Variants in FSTL5 observed in about 807,000 individuals in gnomAD.
FSTL5 encodes follistatin like 5, also known as follistatin-related protein 5.
A neutral mutation model predicts 89.1 loss-of-function variants in FSTL5; 62 were observed. The observed-to-expected ratio is 0.70, with a 90% CI of 0.57 to 0.86. The LOEUF (loss-of-function observed/expected upper bound fraction) is 0.86. Among genes scored for constraint, FSTL5 ranks in the 40% least tolerant of loss-of-function variants. The pLI is 0.00. For synonymous variants in FSTL5, 383 were observed against 346.2 expected, an observed-to-expected ratio of 1.11 and a Z score of -1.18; for missense variants, 1,057 against 1,001.6, an observed-to-expected ratio of 1.06 and a Z score of -0.75.
At chr4:162,144,950 T>C (rs545578055) in intron 1 of FSTL5, among the ~76,000 whole-genome samples, 107 of 152,028 alleles carry the variant, frequency 7.0e-4, no homozygotes, top group African/African-American at 2.5e-3. Flanking sequence ...TAAGTTTCCA[T>C]ATTATACAAT....
At chr4:161,784,380 T>C (rs1414281242) in intron 4 of FSTL5, among the ~76,000 whole-genome samples, 1 of 152,138 alleles carries the variant, frequency 6.6e-6, no homozygotes, top group African/African-American at 2.4e-5. Flanking sequence ...TATATATTTT[T>C]ATTTTTTATA....
intron 3 of FSTL5, among the ~76,000 whole-genome samples, chr4:162,026,904 T>C (rs2111176564): frequency 6.6e-6 from 1 of 152,276 alleles, no homozygotes; most frequent in East Asian, 1.9e-4. Context: ...TGCCTTCTGG[T>C]GGGCAAAATG....
intron 3 of FSTL5, chr4:162,022,947 G>A (rs1413052754): frequency 6.6e-6 from 1 of 152,188 alleles, no homozygotes; most frequent in East Asian, 1.9e-4. Flanking sequence ...ATGGGAGGAG[G>A]AGGATGATGA....
intron 3 of FSTL5, among the ~76,000 whole-genome samples, chr4:161,925,774 G>T (rs112923221): frequency 1.1e-3 from 153 of 135,492 alleles, no homozygotes; most frequent in African/African-American, 3.9e-3. Flanking sequence ...ATAGATAACT[G>T]CCCTCTACAG....
intron 4 of FSTL5, among the ~76,000 whole-genome samples, chr4:161,912,364 C>G (rs979752658): frequency 6.6e-6 from 1 of 152,214 alleles, no homozygotes; most frequent in East Asian, 1.9e-4. Context: ...TCCCAGAATT[C>G]CCATGTGTTG....
At chr4:161,391,368 G>C (rs1006615702) in intron 15 of FSTL5, among the ~76,000 whole-genome samples, 1 of 151,940 alleles carries the variant, frequency 6.6e-6, no homozygotes, top group Admixed American at 6.6e-5. Flanking sequence ...CTAACTGAAA[G>C]GTAAATGCTG....
intron 7 of FSTL5, among the ~76,000 whole-genome samples, chr4:161,619,737 G>T (rs1312776034): frequency 6.6e-6 from 1 of 152,170 alleles, no homozygotes; most frequent in African/African-American, 2.4e-5. Flanking sequence ...TTACACTGTT[G>T]GTGGGACTGT....
intron 4 of FSTL5, among the ~76,000 whole-genome samples, chr4:161,777,815 C>T (rs1307861924): frequency 6.6e-6 from 1 of 152,076 alleles, no homozygotes; most frequent in African/African-American, 2.4e-5. Flanking sequence ...AAATAACGGC[C>T]AGGTGCAGTG....
Position 161,470,380 on chromosome 4 carries a change from C to G in FSTL5, c.1608+10640G>C, listed in dbSNP as rs182600164. Among the ~76,000 whole-genome samples the G allele has an allele frequency of 2.0e-3, 287 of 145,148 alleles. 3 individuals carry two copies. Among genetic ancestry groups the G allele is most frequent in the African/African-American group, 7.0e-3 (268 of 38,296 alleles). On this transcript the variant is annotated intron_variant, in intron 13 of 15. Coordinates refer to ENST00000306100, the MANE Select transcript of FSTL5 (RefSeq NM_020116.5). ...TTGCCCCACTGAATGGTCTTGGCAC[C>G]CTTATAAAAAAAAATTGACTATATA...
At chr4:161,614,159 G>C (rs1275183722) in intron 7 of FSTL5, among the ~76,000 whole-genome samples, 3 of 152,012 alleles carry the variant, frequency 2.0e-5, no homozygotes, top group Non-Finnish European at 4.4e-5. Flanking sequence ...GTCATATTTT[G>C]AAACTCTAAT....
intron 10 of FSTL5, among the ~76,000 whole-genome samples, chr4:161,531,224 C>T (rs1322747055): frequency 6.6e-6 from 1 of 152,118 alleles, no homozygotes; most frequent in African/African-American, 2.4e-5. Context: ...CAAAGTTTCC[C>T]ACTTCAAAGA....
chr4:161,941,893 T>A (rs1434208917), intron 3 of FSTL5, among the ~76,000 whole-genome samples: 1 of 151,764 alleles, frequency 6.6e-6, no homozygotes, highest in Non-Finnish European at 1.5e-5. Flanking sequence ...ACAAGACAAA[T>A]CTCAATACTT....
chr4:161,836,686 A>G (rs1308925106), intron 4 of FSTL5, among the ~76,000 whole-genome samples: 1 of 152,016 alleles, frequency 6.6e-6, no homozygotes, highest in East Asian at 1.9e-4. Flanking sequence ...CACCCTGGAA[A>G]CAATGTTGAG....
intron 4 of FSTL5, among the ~76,000 whole-genome samples, chr4:161,836,844 C>T (rs77364815): frequency 6.6e-6 from 1 of 151,688 alleles, no homozygotes; most frequent in South Asian, 2.1e-4. Flanking sequence ...TAATTTTTTT[C>T]AAAATCTGGA....
chr4:161,770,928 A>G (rs1353219544), intron 5 of FSTL5, among the ~76,000 whole-genome samples: 1 of 152,038 alleles, frequency 6.6e-6, no homozygotes, highest in Non-Finnish European at 1.5e-5. Flanking sequence ...AGGATTAGGA[A>G]CACTCATGCG....
chr4:161,750,117 TG>T (rs1228791283), intron 6 of FSTL5, among the ~76,000 whole-genome samples: 17 of 152,198 alleles, frequency 1.1e-4, no homozygotes, highest in African/African-American at 1.4e-4. Context: ...TTTTAGTATA[TG>T]TTTTTTTGAA....
At chr4:161,827,970 C>A (rs1355694711) in intron 4 of FSTL5, among the ~76,000 whole-genome samples, 1 of 152,152 alleles carries the variant, frequency 6.6e-6, no homozygotes, top group Admixed American at 6.5e-5. Context: ...GAGTTCTGTC[C>A]AGGAATCTAT....
intron 4 of FSTL5, among the ~76,000 whole-genome samples, chr4:161,911,005 G>A (rs1210703787): frequency 6.6e-6 from 1 of 152,004 alleles, no homozygotes; most frequent in Non-Finnish European, 1.5e-5. Context: ...ACTTACAGAT[G>A]TATTTCCACA....
At chr4:161,617,843 T>C (rs1399573182) in intron 7 of FSTL5, among the ~76,000 whole-genome samples, 2 of 152,210 alleles carry the variant, frequency 1.3e-5, no homozygotes, top group East Asian at 1.9e-4. Flanking sequence ...AAACAGAATG[T>C]ACTGTCAGCT....
Sources: allele counts gnomAD v4.1 joint callset (sites outside exome capture counted in the v4.1 genomes callset), GRCh38; gene constraint gnomAD v4.1.1; transcripts MANE v1.5; gene names NCBI Gene and HGNC (gene_info 2026-07-23, HGNC 2026-07-21).